NCOA2: variants seen among roughly 807,000 people sequenced by gnomAD.
NCOA2 encodes the protein nuclear receptor coactivator 2, also known as class E basic helix-loop-helix protein 75.
Under a neutral mutation model 145.1 loss-of-function variants are expected in NCOA2, and 21 were observed. That is an observed-to-expected ratio of 0.14 (90% CI 0.10 to 0.21). The LOEUF is 0.21. NCOA2 is among the 10% of genes least tolerant of loss of function. NCOA2 has a pLI of 1.00. For synonymous variants in NCOA2, 619 were observed against 637.5 expected (o/e 0.97, Z 0.44); for missense variants, 1,472 against 1,837.6 (o/e 0.80, Z 3.64).
At chr8:70,286,066 T>C (rs993219047) in intron 2 of NCOA2, among the ~76,000 whole-genome samples, 6 of 152,220 alleles carry the variant, frequency 3.9e-5, no homozygotes, top group African/African-American at 1.4e-4. Flanking sequence ...AATGTAGGTA[T>C]GCAAGAAAAG....
At chr8:70,394,623 G>A (rs1208759408) in intron 1 of NCOA2, among the ~76,000 whole-genome samples, 1 of 152,118 alleles carries the variant, frequency 6.6e-6, no homozygotes, top group Non-Finnish European at 1.5e-5. Flanking sequence ...CTCCAAAGAG[G>A]CAGGCATTCT....
At chr8:70,120,547 C>A (rs561537974) in intron 22 of NCOA2, among the ~76,000 whole-genome samples, 5 of 152,092 alleles carry the variant, frequency 3.3e-5, no homozygotes, top group African/African-American at 1.2e-4. Flanking sequence ...ATGGTGAAAC[C>A]CCATCTCTAC....
At chr8:70,218,258 C>T (rs1381857749) in intron 2 of NCOA2, among the ~76,000 whole-genome samples, 1 of 145,630 alleles carries the variant, frequency 6.9e-6, no homozygotes, top group Non-Finnish European at 1.5e-5. Context: ...ATACTGTATC[C>T]GTTTAGGGAG....
chr8:70,113,897 C>T (rs1174283249), intron 22 of NCOA2, among the ~76,000 whole-genome samples: 1 of 152,126 alleles, frequency 6.6e-6, no homozygotes, highest in Non-Finnish European at 1.5e-5. Context: ...CCATCGTCTG[C>T]AAATGGATGA....
chr8:70,283,999 T>G (rs936952873), intron 2 of NCOA2, among the ~76,000 whole-genome samples: 4 of 152,160 alleles, frequency 2.6e-5, no homozygotes, highest in African/African-American at 9.7e-5. Flanking sequence ...TTAGAAGTAT[T>G]CCTCTTGAAT....
intron 2 of NCOA2, among the ~76,000 whole-genome samples, chr8:70,225,406 G>A (rs183909312): frequency 8.6e-5 from 13 of 151,902 alleles, no homozygotes; most frequent in African/African-American, 2.4e-4. Flanking sequence ...AAAATTAGCC[G>A]GGTGTGTTGG....
At chr8:70,198,774 G>A (rs541899018) in intron 4 of NCOA2, among the ~76,000 whole-genome samples, 1 of 152,154 alleles carries the variant, frequency 6.6e-6, no homozygotes, top group South Asian at 2.1e-4. Flanking sequence ...GGTGATCAGC[G>A]CATGGTGGTT....
At position 70,197,076 on chromosome 8, in the gene NCOA2, T is replaced by TA. The variant is rs565228289; in HGVS notation, c.259+16826dup. ...TGAAAACAGTATGTATGAATGCATTTACATGACATTCTCTTAACGCTGCTA... is the reference window on the plus strand; with the variant it reads ...TGAAAACAGTATGTATGAATGCATTTAACATGACATTCTCTTAACGCTGCTA... On this transcript the variant is annotated intron_variant, in intron 4 of 22. Transcript: ENST00000452400. 3.9e-3 allele frequency among the ~76,000 whole-genome samples: 596 copies of TA among 152,356 alleles called. 1 individual carries two copies. Among genetic ancestry groups the TA allele is most frequent in the Non-Finnish European group, 6.8e-3 (465 of 68,034 alleles).
At chr8:70,418,642 A>G in the NCOA2 span, among the ~76,000 whole-genome samples, 1 of 152,174 alleles carries the variant, frequency 6.6e-6, no homozygotes, top group South Asian at 2.1e-4. Context: ...GGTCAATTAC[A>G]TTGGACTGCT....
intron 4 of NCOA2, among the ~76,000 whole-genome samples, chr8:70,178,942 G>A (rs138047191): frequency 2.7e-4 from 41 of 152,256 alleles, no homozygotes; most frequent in African/African-American, 9.9e-4. Context: ...CAACAAAGTT[G>A]TTCACAAGAT....
chr8:70,414,157 T>C, the NCOA2 span, among the ~76,000 whole-genome samples: 1 of 152,234 alleles, frequency 6.6e-6, no homozygotes, highest in Admixed American at 6.5e-5. Flanking sequence ...GACCAAGTTT[T>C]AAAATAAATT....
rs1190373900 is a variant in NCOA2 at position 70,127,180 on chromosome 8, GGAAT to G, written c.3682-137_3682-134del. On this transcript the variant is annotated intron_variant, in intron 18 of 22. Transcript: ENST00000452400. The stretch of plus-strand genomic sequence containing the variant: ...TTATTTGGAAAAAAATTACATGAAA[GGAAT>G]GACTCAGAGTTGAACAACTAGTGAT... 6 of 654,862 alleles carry G rather than the reference GGAAT, an allele frequency of 9.2e-6. No homozygotes were observed. The Admixed American group carries it at 1.5e-4, about 16-fold the overall frequency. The allele number at this position is 654,862 out of a possible 1,614,324, so 40.6% of individuals were successfully genotyped here.
At chr8:70,164,575 C>T (rs1427886240) in intron 7 of NCOA2, among the ~76,000 whole-genome samples, 1 of 152,138 alleles carries the variant, frequency 6.6e-6, no homozygotes, top group African/African-American at 2.4e-5. Context: ...CAGTACTTCA[C>T]TAACTACTAT....
the NCOA2 span, among the ~76,000 whole-genome samples, chr8:70,418,613 A>G: frequency 6.6e-6 from 1 of 152,210 alleles, no homozygotes; most frequent in African/African-American, 2.4e-5. Context: ...TTCCCTAATC[A>G]GCTAGCTACC....
At chr8:70,251,837 G>A (rs774147432) in intron 2 of NCOA2, among the ~76,000 whole-genome samples, 17 of 152,190 alleles carry the variant, frequency 1.1e-4, no homozygotes, top group Non-Finnish European at 2.1e-4. Context: ...AAAGTCATCC[G>A]TTTCAAATTC....
At chr8:70,144,551 C>G in intron 13 of NCOA2, 91 bp downstream of exon 13, 1 of 1,042,408 alleles carries the variant, frequency 9.6e-7, no homozygotes. Flanking sequence ...ATAAAAAGTT[C>G]ACTTGAAAAA....
At chr8:70,246,839 T>C (rs878942917) in intron 2 of NCOA2, among the ~76,000 whole-genome samples, 1 of 151,604 alleles carries the variant, frequency 6.6e-6, no homozygotes. Context: ...AGATACTTCA[T>C]GGATTATTTT....
At chr8:70,340,531 T>C (rs190238834) in intron 1 of NCOA2, among the ~76,000 whole-genome samples, 5 of 152,252 alleles carry the variant, frequency 3.3e-5, no homozygotes, top group African/African-American at 9.6e-5. Context: ...TGGAAGACAG[T>C]GTAGCGACTT....
intron 9 of NCOA2, among the ~76,000 whole-genome samples, chr8:70,161,191 A>G (rs1812961464): frequency 6.6e-6 from 1 of 152,202 alleles, no homozygotes; most frequent in African/African-American, 2.4e-5. Context: ...GTTTCCTTCC[A>G]GTGGGTCCCA....
Sources: allele counts gnomAD v4.1 joint callset (sites outside exome capture counted in the v4.1 genomes callset), GRCh38; gene constraint gnomAD v4.1.1; transcripts MANE v1.5; gene names NCBI Gene and HGNC (gene_info 2026-07-23, HGNC 2026-07-21).